Variants in KCNMB4 observed in about 807,000 individuals in gnomAD.
KCNMB4 encodes potassium calcium-activated channel subfamily M regulatory beta subunit 4.
Under a neutral mutation model 20.7 loss-of-function variants are expected in KCNMB4, and 3 were observed. The observed-to-expected ratio is 0.14, with a 90% confidence interval of 0.07 to 0.37. KCNMB4 has a LOEUF of 0.37. Among genes scored for constraint, KCNMB4 ranks in the 10% least tolerant of loss-of-function variants. KCNMB4 has a pLI of 1.00. For missense variants in KCNMB4, 168 were observed against 265.9 expected (o/e 0.63, Z 2.56); for synonymous variants, 110 against 113.4 (o/e 0.97, Z 0.19).
At chr12:70,374,177 A>G (rs1196549896) in intron 1 of KCNMB4, among the ~76,000 whole-genome samples, 2 of 152,250 alleles carry the variant, frequency 1.3e-5, no homozygotes, top group African/African-American at 2.4e-5. Flanking sequence ...TGACATTACA[A>G]TACATATCAG....
intron 2 of KCNMB4, among the ~76,000 whole-genome samples, chr12:70,423,493 G>A (rs553420324): frequency 6.6e-5 from 10 of 151,460 alleles, no homozygotes; most frequent in Admixed American, 1.3e-4. Flanking sequence ...TTTTGGAGAA[G>A]GTCTCAGTCT....
At chr12:70,398,966 C>A (rs956264725) in intron 1 of KCNMB4, among the ~76,000 whole-genome samples, 7 of 152,064 alleles carry the variant, frequency 4.6e-5, no homozygotes, top group Admixed American at 4.6e-4. Context: ...AAACTTGAAG[C>A]TTAAAATAAA....
intron 1 of KCNMB4, among the ~76,000 whole-genome samples, chr12:70,374,183 A>G (rs1339801743): frequency 1.3e-5 from 2 of 152,246 alleles, no homozygotes; most frequent in African/African-American, 4.8e-5. Context: ...TACAATACAT[A>G]TCAGTTATAA....
At chr12:70,421,176 A>G (rs1393308738) in intron 2 of KCNMB4, among the ~76,000 whole-genome samples, 1 of 152,124 alleles carries the variant, frequency 6.6e-6, no homozygotes, top group Non-Finnish European at 1.5e-5. Flanking sequence ...GAGGTCACCT[A>G]TGCTGTGTAG....
chr12:70,428,597 CTTT>C (rs1293113995), intron 2 of KCNMB4, among the ~76,000 whole-genome samples: 4 of 152,122 alleles, frequency 2.6e-5, no homozygotes, highest in East Asian at 1.9e-4. Flanking sequence ...TGTCCTGACT[CTTT>C]TTTTAGACCT....
Position 70,430,689 on chromosome 12 carries a change from G to A in KCNMB4, c.*36G>A. ...GGCTTGTAGAAAGCAAAGTACAGAA[G>A]CTGTACTCATCGGCACGCGTCCACC... On this transcript the variant is annotated 3_prime_UTR_variant, in exon 3 of 3. Transcript: ENST00000258111. 1.3e-6 allele frequency: 2 copies of A among 1,549,648 alleles called. No individual in the cohort carries two copies. The highest frequency in any genetic ancestry group is 1.7e-6 in the Non-Finnish European group (2 of 1,152,306).
chr12:70,388,742 G>A (rs1565857867), intron 1 of KCNMB4, among the ~76,000 whole-genome samples: 1 of 152,142 alleles, frequency 6.6e-6, no homozygotes, highest in Non-Finnish European at 1.5e-5. Flanking sequence ...AATTATAATA[G>A]AGCCTGTCTC....
chr12:70,422,333 C>T (rs1869088948), intron 2 of KCNMB4, among the ~76,000 whole-genome samples: 1 of 152,210 alleles, frequency 6.6e-6, no homozygotes, highest in South Asian at 2.1e-4. Flanking sequence ...AAGGAAACCT[C>T]TCAGGAATTT....
rs1002996970 is a variant in KCNMB4 at position 70,422,664 on chromosome 12, T to A, written c.465-7821T>A. 4.8e-5 allele frequency: 61 copies of A among 1,282,632 alleles called. 1 individual carries two copies. In the Admixed American group the frequency reaches 6.3e-4, roughly 13 times the overall value. The allele number at this position is 1,282,632 out of a possible 1,614,324, so 79.5% of individuals were successfully genotyped here. On this transcript the variant is annotated intron_variant, in intron 2 of 2. Transcript: ENST00000258111. ...TAAAATTCATTCGTTGATTTGCCTT[T>A]TTAAAAAAGACAGAAAGTCATAAGC...
chr12:70,410,778 T>G (rs567337645), intron 2 of KCNMB4, among the ~76,000 whole-genome samples: 5 of 152,272 alleles, frequency 3.3e-5, no homozygotes, highest in Admixed American at 3.3e-4. Context: ...AATGAGGGTT[T>G]TATGAATGAG....
intron 2 of KCNMB4, among the ~76,000 whole-genome samples, chr12:70,415,287 C>T (rs1868886648): frequency 6.6e-6 from 1 of 152,176 alleles, no homozygotes. Flanking sequence ...TTCTGTAAAA[C>T]TTGGACAATA....
intron 2 of KCNMB4, among the ~76,000 whole-genome samples, chr12:70,428,477 C>T (rs986583247): frequency 6.6e-6 from 1 of 152,192 alleles, no homozygotes; most frequent in African/African-American, 2.4e-5. Flanking sequence ...TACCTTCCCT[C>T]ACACTTAGGG....
rs906440024 is a variant in KCNMB4, at chr12:70,416,351, T to A, written c.465-14134T>A. On this transcript the variant is annotated intron_variant, in intron 2 of 2. Coordinates refer to ENST00000258111, the MANE Select transcript of KCNMB4 (RefSeq NM_014505.6). ...GTTTCTGTAGGAATACCTGTGGCTA[T>A]ACTTTTTAGTGATTTTCAAATTCTT... 8.7e-4 allele frequency among the ~76,000 whole-genome samples: 133 copies of A among 152,228 alleles called. 3 individuals are homozygous for A. The highest frequency in any genetic ancestry group is 2.5e-4 in the Non-Finnish European group (17 of 68,030).
At chr12:70,388,549 G>A (rs1369191472) in intron 1 of KCNMB4, among the ~76,000 whole-genome samples, 1 of 151,846 alleles carries the variant, frequency 6.6e-6, no homozygotes, top group Non-Finnish European at 1.5e-5. Context: ...TTGAATAAAA[G>A]CCATTTTAAC....
At chr12:70,403,415 C>G (rs139889862) in intron 2 of KCNMB4, among the ~76,000 whole-genome samples, 1 of 152,052 alleles carries the variant, frequency 6.6e-6, no homozygotes, top group Admixed American at 6.6e-5. Flanking sequence ...TCACTGCAAC[C>G]TCTGCCTCTC....
chr12:70,405,267 A>G lies in KCNMB4; in HGVS notation c.464+4931A>G, dbSNP rs191510746. On this transcript the variant is annotated intron_variant, in intron 2 of 2. Coordinates refer to ENST00000258111, the MANE Select transcript of KCNMB4 (RefSeq NM_014505.6). Reference sequence around the variant, plus strand: ...TAAAGAGTTAATCCCCTGAATACATAAGGAACTCCTACAACTCAATAGTAA... The same window carrying G: ...TAAAGAGTTAATCCCCTGAATACATGAGGAACTCCTACAACTCAATAGTAA... 1.4e-3 allele frequency among the ~76,000 whole-genome samples: 208 copies of G among 152,284 alleles called. 2 individuals carry two copies. In the Middle Eastern group the frequency reaches 0.024, roughly 17 times the overall value.
intron 1 of KCNMB4, among the ~76,000 whole-genome samples, chr12:70,398,689 T>A (rs1382406289): frequency 6.6e-6 from 1 of 152,186 alleles, no homozygotes; most frequent in Non-Finnish European, 1.5e-5. Flanking sequence ...TAAAAATGTA[T>A]CCGTGTTATC....
At chr12:70,372,866 G>A (rs575995788) in intron 1 of KCNMB4, among the ~76,000 whole-genome samples, 1 of 152,272 alleles carries the variant, frequency 6.6e-6, no homozygotes, top group African/African-American at 2.4e-5. Flanking sequence ...GCTTCATGGA[G>A]AAAGAAGCAT....
rs1883563119 is a variant in KCNMB4 at position 70,370,053 on chromosome 12, A to T, written c.336+2983A>T. On this transcript the variant is annotated intron_variant, in intron 1 of 2. Coordinates refer to ENST00000258111, the MANE Select transcript of KCNMB4 (RefSeq NM_014505.6). ...GAATCACCAGGGGAACTTTAAAAAG[A>T]AGTTCTTATGGCTGGGTCCAACTCT... Among the ~76,000 whole-genome samples, 3 of 152,130 alleles carry T rather than the reference A, an allele frequency of 2.0e-5. No individual in the cohort carries two copies. The South Asian group carries it at 6.2e-4, about 32-fold the overall frequency.
Sources: allele counts gnomAD v4.1 joint callset (sites outside exome capture counted in the v4.1 genomes callset), GRCh38; gene constraint gnomAD v4.1.1; transcripts MANE v1.5; gene names NCBI Gene and HGNC (gene_info 2026-07-23, HGNC 2026-07-21).